FER1L6: variants seen among roughly 807,000 people sequenced by gnomAD.
FER1L6 encodes the protein fer-1 like family member 6, also known as fer-1-like protein 6.
In FER1L6, 177 loss-of-function variants were observed where a neutral mutation model predicts 219.2. The ratio of observed to expected loss-of-function variants is 0.81; its 90% CI spans 0.71 to 0.91. FER1L6 has a LOEUF of 0.91. Ranked by LOEUF, FER1L6 falls within the 40% of genes least tolerant of loss-of-function variation. The pLI is 0.00. For missense variants in FER1L6, 2,153 were observed against 2,259.9 expected, an observed-to-expected ratio of 0.95 and a Z score of 0.96; for synonymous variants, 768 against 824.3, an observed-to-expected ratio of 0.93 and a Z score of 1.17.
At chr8:123,929,237 C>A (rs1465338796) in intron 1 of FER1L6, among the ~76,000 whole-genome samples, 1 of 152,184 alleles carries the variant, frequency 6.6e-6, no homozygotes, top group Non-Finnish European at 1.5e-5. Flanking sequence ...CTGCCCCATG[C>A]ACATGCATGA....
intron 1 of FER1L6, among the ~76,000 whole-genome samples, chr8:123,908,068 T>C (rs571969278): frequency 6.6e-6 from 1 of 152,240 alleles, no homozygotes; most frequent in African/African-American, 2.4e-5. Context: ...CCATACCTGA[T>C]AAACTGTTAG....
chr8:124,028,730 G>T (rs894083862), intron 18 of FER1L6, among the ~76,000 whole-genome samples: 1 of 152,138 alleles, frequency 6.6e-6, no homozygotes, highest in Non-Finnish European at 1.5e-5. Flanking sequence ...CCAGTGGAAG[G>T]TTCCAAGAAG....
intron 1 of FER1L6, among the ~76,000 whole-genome samples, chr8:123,888,248 C>G (rs1817241510): frequency 6.6e-6 from 1 of 152,042 alleles, no homozygotes; most frequent in Non-Finnish European, 1.5e-5. Flanking sequence ...TCCCGAGTAG[C>G]TGGGACTACA....
At chr8:124,040,272 A>G (rs901572781) in intron 20 of FER1L6, among the ~76,000 whole-genome samples, 2 of 152,218 alleles carry the variant, frequency 1.3e-5, no homozygotes, top group African/African-American at 4.8e-5. Context: ...TGAGGCGGAG[A>G]AGGCTAAAGT....
intron 20 of FER1L6, among the ~76,000 whole-genome samples, chr8:124,042,531 T>G (rs926455245): frequency 7.9e-5 from 12 of 152,230 alleles, no homozygotes; most frequent in African/African-American, 2.9e-4. Context: ...CCCAGGTTTG[T>G]CCAATTCCAG....
intron 20 of FER1L6, among the ~76,000 whole-genome samples, chr8:124,041,228 G>A (rs1164690287): frequency 6.6e-6 from 1 of 152,136 alleles, no homozygotes; most frequent in African/African-American, 2.4e-5. Flanking sequence ...CATGTCTTTG[G>A]GCAAGTAACA....
intron 12 of FER1L6, among the ~76,000 whole-genome samples, chr8:123,995,828 C>T (rs887456073): frequency 6.6e-6 from 1 of 151,876 alleles, no homozygotes; most frequent in Non-Finnish European, 1.5e-5. Flanking sequence ...CTTAGTACTG[C>T]TTTTGCTGTA....
intron 1 of FER1L6, among the ~76,000 whole-genome samples, chr8:123,892,782 A>G (rs1318548492): frequency 6.6e-6 from 1 of 152,234 alleles, no homozygotes; most frequent in African/African-American, 2.4e-5. Context: ...ACTTTCCAAC[A>G]GCAAAATTTC....
intron 20 of FER1L6, among the ~76,000 whole-genome samples, chr8:124,042,751 C>T (rs1004175077): frequency 3.9e-5 from 6 of 152,102 alleles, no homozygotes; most frequent in African/African-American, 7.2e-5. Context: ...CCTGACCACG[C>T]GGGGCTCAGG....
chr8:124,084,022 C>A (rs1821687825), intron 33 of FER1L6, among the ~76,000 whole-genome samples: 1 of 152,040 alleles, frequency 6.6e-6, no homozygotes, highest in African/African-American at 2.4e-5. Flanking sequence ...TTATTTGTAG[C>A]TATTGTAAAT....
In FER1L6 at chr8:123,884,795, A is replaced by G. The variant is rs565706156; in HGVS notation, c.-8+32610A>G. 5.3e-5 allele frequency among the ~76,000 whole-genome samples: 8 copies of G among 152,060 alleles called. No homozygotes were observed. The East Asian group carries it at 1.6e-3, about 29-fold the overall frequency. On this transcript the variant is annotated intron_variant, in intron 1 of 40. Coordinates refer to ENST00000522917, the MANE Select transcript of FER1L6 (RefSeq NM_001039112.2). Reference sequence around the variant, plus strand: ...CTGGCCTTGCCGTCCCTTCCTCCTCATTTCCTCTCTGCTGCTCCATCTGCA... The same window carrying G: ...CTGGCCTTGCCGTCCCTTCCTCCTCGTTTCCTCTCTGCTGCTCCATCTGCA...
chr8:124,076,048 T>G lies in FER1L6; in HGVS notation c.4093-150T>G, dbSNP rs560353408. 5.3e-6 allele frequency: 5 copies of G among 949,602 alleles called. No individual in the cohort carries two copies. In the African/African-American group the frequency reaches 8.3e-5, roughly 16 times the overall value. The allele number at this position is 949,602 out of a possible 1,614,324, so 58.8% of individuals were successfully genotyped here. A position where few individuals can be genotyped will look rare whatever the true frequency, so the allele number is the denominator to read the frequency against. ...TGCACACTAGAATTATCTAGGGAGT[T>G]TTTCAAAAGCCCAAAGCCCTGGCCC... On this transcript the variant is annotated intron_variant, in intron 31 of 40. Coordinates refer to ENST00000522917, the MANE Select transcript of FER1L6 (RefSeq NM_001039112.2).
At chr8:123,886,374 A>G (rs960355130) in intron 1 of FER1L6, among the ~76,000 whole-genome samples, 3 of 152,156 alleles carry the variant, frequency 2.0e-5, no homozygotes, top group African/African-American at 7.2e-5. Flanking sequence ...TTGCTCTCAC[A>G]AGAGTGGATT....
At chr8:124,036,852 T>C (rs1344311809) in intron 19 of FER1L6, among the ~76,000 whole-genome samples, 1 of 152,242 alleles carries the variant, frequency 6.6e-6, no homozygotes, top group African/African-American at 2.4e-5. Context: ...TTGATGGCTT[T>C]GGCTGCCTTC....
At chr8:123,867,571 T>G (rs1313901905) in intron 1 of FER1L6, among the ~76,000 whole-genome samples, 1 of 152,194 alleles carries the variant, frequency 6.6e-6, no homozygotes, top group South Asian at 2.1e-4. Flanking sequence ...AAGATTCAGT[T>G]TCTTTATTTA....
chr8:123,886,952 G>A lies in FER1L6; in HGVS notation c.-8+34767G>A, dbSNP rs114911337. Among the ~76,000 whole-genome samples, 212 of 152,028 alleles carry A rather than the reference G, an allele frequency of 1.4e-3. 1 individual carries two copies. The highest frequency in any genetic ancestry group is 5.1e-3 in the African/African-American group (211 of 41,454). On this transcript the variant is annotated intron_variant, in intron 1 of 40. Transcript: ENST00000522917. Reference sequence around the variant, plus strand: ...TTTTTTTTAAAATAAATATAGAAAGGGACCCTTCTGGTCTTAAAGCTCGAA... The same window carrying A: ...TTTTTTTTAAAATAAATATAGAAAGAGACCCTTCTGGTCTTAAAGCTCGAA...
chr8:124,009,530 G>C (rs1175914870), intron 13 of FER1L6, among the ~76,000 whole-genome samples: 2 of 152,026 alleles, frequency 1.3e-5, no homozygotes, highest in Admixed American at 6.5e-5. Flanking sequence ...GAGTTTTGTA[G>C]AGCTGGAGAC....
intron 39 of FER1L6, among the ~76,000 whole-genome samples, chr8:124,110,176 CCT>C (rs1424907417): frequency 3.3e-5 from 5 of 152,298 alleles, no homozygotes; most frequent in East Asian, 3.9e-4. Flanking sequence ...AAATAAATAG[CCT>C]CTGTTTGTTC....
At chr8:123,904,329 G>A (rs1215070452) in intron 1 of FER1L6, among the ~76,000 whole-genome samples, 1 of 150,504 alleles carries the variant, frequency 6.6e-6, no homozygotes, top group Non-Finnish European at 1.5e-5. Flanking sequence ...TATAGGGAAG[G>A]TTGGAAAGCA....
Sources: allele counts gnomAD v4.1 joint callset (sites outside exome capture counted in the v4.1 genomes callset), GRCh38; gene constraint gnomAD v4.1.1; transcripts MANE v1.5; gene names NCBI Gene and HGNC (gene_info 2026-07-23, HGNC 2026-07-21).